The following TRPM5 variants were observed in gnomAD, a reference collection of about 807,000 sequenced individuals.
The protein encoded by TRPM5 is MLSN1 and TRP-related.
In TRPM5, 121 loss-of-function variants were observed where a neutral mutation model predicts 124.9. The observed-to-expected ratio is 0.97, with a 90% CI of 0.84 to 1.13. The LOEUF (loss-of-function observed/expected upper bound fraction) is 1.13, where lower values mean the gene tolerates loss of function less well. Among genes scored for constraint, TRPM5 ranks in the 50% most tolerant of loss-of-function variants. The pLI, the probability that TRPM5 is intolerant of heterozygous loss-of-function variation, is 0.00. For missense variants in TRPM5, 1,643 were observed against 1,589.1 expected (o/e 1.03, Z -0.58); for synonymous variants, 781 against 700.5 (o/e 1.11, Z -1.81).
At chr11:2,441,071 G>A in the TRPM5 span, among the ~76,000 whole-genome samples, 2 of 152,214 alleles carry the variant, frequency 1.3e-5, no homozygotes, top group Admixed American at 1.3e-4. The surrounding 1 kb of genome is among the most constrained non-coding windows in gnomAD (Gnocchi z 7.2). Context: ...TTTCCAGAAG[G>A]TTCTGAGGCT....
rs369879322 is a variant in TRPM5 at position 2,412,963 on chromosome 11, G to T, written c.2146C>A (p.Arg716Ser). 4 of 1,605,944 alleles carry T rather than the reference G, an allele frequency of 2.5e-6. No homozygotes were observed. The South Asian group carries it at 4.5e-5, about 18-fold the overall frequency. ...CAGCGTGTGAGCAGGAAGACAGCAC[G>T]TGGGCCTCGGTCACCCTGAGCCCTC... Residue 716 changes from arginine to serine, a missense_variant, in exon 15 of 24, where the codon CGT becomes AGT. Arg to Ser is a moderately radical substitution (Grantham distance 110). Coordinates refer to ENST00000155858, the Ensembl canonical transcript of TRPM5.
chr11:2,414,235 C>T lies in TRPM5; in HGVS notation c.1745-29G>A, dbSNP rs200360138. 1,087 of 1,595,230 alleles carry T rather than the reference C, an allele frequency of 6.8e-4. 8 individuals carry two copies. In the African/African-American group the frequency reaches 0.012, roughly 17 times the overall value. On this transcript the variant is annotated intron_variant, in intron 11 of 23. Coordinates refer to ENST00000155858, the Ensembl canonical transcript of TRPM5. ...CCCCCGGAGGCCCTGGCCGCTAGGA[C>T]GAGACGCCGATGCCCGGCCCGGCCC...
chr11:2,415,574 C>T, intron 8 of TRPM5, 103 bp from the exon 14 acceptor site: 2 of 819,824 alleles, frequency 2.4e-6, no homozygotes, highest in South Asian at 3.6e-5. Flanking sequence ...GGGGATCCAT[C>T]CCCAGGGCCA....
intron 2 of TRPM5, 122 bp downstream of exon 7, chr11:2,422,019 C>G (rs77999641): frequency 0.026 from 19,356 of 755,558 alleles, 454 homozygotes; most frequent in African/African-American, 0.055. Context: ...GGTGGGGGGA[C>G]AGTCAGGGGG....
chr11:2,413,435 T>A, intron 13 of TRPM5, 41 bp downstream of exon 18: 1 of 1,556,112 alleles, frequency 6.4e-7, no homozygotes, highest in Non-Finnish European at 8.7e-7. Context: ...GCACTCGCAC[T>A]GCTGCCTGTC....
At chr11:2,407,733 C>G (rs1414273985) in intron 19 of TRPM5, 26 bp downstream of exon 24, 2 of 1,611,346 alleles carry the variant, frequency 1.2e-6, no homozygotes, top group Non-Finnish European at 1.7e-6. Context: ...CCAGGGCTCT[C>G]TCCTCCAGGG....
chr11:2,409,520 C>T (rs1220576198), intron 18 of TRPM5, among the ~76,000 whole-genome samples: 9 of 152,180 alleles, frequency 5.9e-5, no homozygotes, highest in Admixed American at 4.6e-4. Context: ...CGGCTCGGCA[C>T]GAGTGCAGAG....
At chr11:2,417,860 C>T (rs763321602) in intron 6 of TRPM5, 31 bp from the exon 12 acceptor site, 30 of 1,548,036 alleles carry the variant, frequency 1.9e-5, no homozygotes, top group African/African-American at 4.1e-5. Flanking sequence ...CCCATGGGGC[C>T]GCCTCAGCCA....
the TRPM5 span, among the ~76,000 whole-genome samples, chr11:2,436,003 C>T: frequency 1.3e-5 from 2 of 152,354 alleles, no homozygotes; most frequent in Non-Finnish European, 1.5e-5. Flanking sequence ...GGTTTCTCCC[C>T]AGCCAGCGTA....
chr11:2,405,543 C>A, exon 23 of TRPM5: 6 of 1,563,976 alleles, frequency 3.8e-6, no homozygotes, highest in Non-Finnish European at 5.2e-6. Context: ...GGCCGCCACC[C>A]TGGGCCAGCA....
intron 11 of TRPM5, 60 bp downstream of exon 16, chr11:2,414,655 C>G (rs1850526834): frequency 1.4e-6 from 2 of 1,476,406 alleles, no homozygotes; most frequent in Admixed American, 4.6e-5. Context: ...ACCCTTCGTC[C>G]GACCCCTCCG....
exon 9 of TRPM5, chr11:2,415,393 C>A: frequency 6.3e-7 from 1 of 1,592,252 alleles, no homozygotes; most frequent in Non-Finnish European, 8.5e-7. Flanking sequence ...ACGTCTGCGC[C>A]GTTGTCCACA....
chr11:2,432,687 C>T, the TRPM5 span, among the ~76,000 whole-genome samples: 1 of 152,068 alleles, frequency 6.6e-6, no homozygotes, highest in Non-Finnish European at 1.5e-5. Flanking sequence ...TTGCAACCCA[C>T]TTCTTCTTTG....
chr11:2,411,625 G>C lies in TRPM5; in HGVS notation c.2607+10C>G, dbSNP rs747410762. ...CTCCAGGGCCAGGGCCAGGGCCCCC[G>C]GGGGCTCACCATGCGCTCTACCACG... On this transcript the variant is annotated intron_variant, in intron 17 of 23. Coordinates refer to ENST00000155858, the Ensembl canonical transcript of TRPM5. 4.6e-5 allele frequency: 74 copies of C among 1,610,658 alleles called. No individual in the cohort carries two copies. The highest frequency in any genetic ancestry group is 5.9e-5 in the Non-Finnish European group (70 of 1,178,686).
intron 18 of TRPM5, among the ~76,000 whole-genome samples, chr11:2,409,849 C>T (rs1460867125): frequency 1.3e-5 from 2 of 152,208 alleles, no homozygotes; most frequent in African/African-American, 4.8e-5. Flanking sequence ...CGCAGACCTC[C>T]CTGAGGCAGC....
At chr11:2,404,721 C>T in exon 24 of TRPM5, 1 of 544,118 alleles carries the variant, frequency 1.8e-6, no homozygotes, top group Non-Finnish European at 3.3e-6. Context: ...TCAGGGGAGA[C>T]AGCCCCATGA....
At chr11:2,417,905 G>C (rs1845709132) in intron 6 of TRPM5, 76 bp from the exon 12 acceptor site, 2 of 1,379,404 alleles carry the variant, frequency 1.4e-6, no homozygotes, top group African/African-American at 1.4e-5. Context: ...GTAGACACCA[G>C]CGTAGGCACA....
chr11:2,430,442 G>C, the TRPM5 span, among the ~76,000 whole-genome samples: 1 of 145,476 alleles, frequency 6.9e-6, no homozygotes, highest in Non-Finnish European at 1.5e-5. Context: ...TAATACAGTG[G>C]TGATACTAGT....
chr11:2,432,375 C>CA, the TRPM5 span, among the ~76,000 whole-genome samples: 1 of 152,236 alleles, frequency 6.6e-6, no homozygotes, highest in Admixed American at 6.5e-5. Context: ...CAACAGGGCC[C>CA]AGCCCCTGCC....
Sources: gnomAD v4.1 joint callset for allele counts (sites outside exome capture counted in the v4.1 genomes callset) on GRCh38, gnomAD v4.1.1 for gene constraint, Gnocchi (gnomAD v3.1) non-coding constraint, MANE v1.5 for transcripts, NCBI Gene and HGNC (gene_info 2026-07-23, HGNC 2026-07-21) for gene names.